TTC34: variants seen among roughly 807,000 people sequenced by gnomAD.
TTC34 encodes tetratricopeptide repeat protein 34.
A neutral mutation model predicts 40.7 loss-of-function variants in TTC34; 44 were observed. The observed-to-expected ratio is 1.08, with a 90% CI of 0.85 to 1.39. The LOEUF (loss-of-function observed/expected upper bound fraction) is 1.39. Ranked by LOEUF, TTC34 falls within the 40% of genes most tolerant of loss-of-function variation. TTC34 has a pLI of 0.00. For missense variants in TTC34, 884 were observed against 838.0 expected (o/e 1.05, Z -0.68); for synonymous variants, 422 against 398.6 (o/e 1.06, Z -0.70).
rs1263586540 is a variant in TTC34 at position 2,752,408 on chromosome 1, C to G, written c.2226+31201G>C. 1.5e-5 allele frequency among the ~76,000 whole-genome samples: 2 copies of G among 129,164 alleles called. 1 individual carries two copies. 84.7% of individuals were successfully genotyped at this position (129,164 alleles called of 152,430 possible). A position where few individuals can be genotyped will look rare whatever the true frequency, so the allele number is the denominator to read the frequency against. On this transcript the variant is annotated intron_variant, in intron 6 of 8. Transcript: ENST00000401095. ...ATCTGAGAGCATGTAACAGCACCCA[C>G]ACACCCAGGTGAGCATCTGACAGCC...
chr1:2,752,651 AC>A lies in TTC34; in HGVS notation c.2226+30957del, dbSNP rs1319628693. 7.4e-5 allele frequency among the ~76,000 whole-genome samples: 10 copies of A among 135,476 alleles called. 2 individuals are homozygous for A. Among genetic ancestry groups the A allele is most frequent in the African/African-American group, 1.8e-4 (6 of 33,070 alleles). The allele number at this position is 135,476 out of a possible 152,430, so 88.9% of individuals were successfully genotyped here. A position where few individuals can be genotyped will look rare whatever the true frequency, so the allele number is the denominator to read the frequency against. On this transcript the variant is annotated intron_variant, in intron 6 of 8. Coordinates refer to ENST00000401095, the Ensembl canonical transcript of TTC34. ...TCTGACACCCTGGAACTGCACACAC[AC>A]CCCCAGGCGAGCATCTGACAACCTG...
At chr1:2,750,130 G>A (rs1641267063) in intron 6 of TTC34, among the ~76,000 whole-genome samples, 23 of 148,120 alleles carry the variant, frequency 1.6e-4, no homozygotes, top group African/African-American at 5.4e-4. Context: ...ACACACCCAG[G>A]TGAGCATCCG....
chr1:2,758,522 G>C (rs1379442324), intron 6 of TTC34, among the ~76,000 whole-genome samples: 9 of 77,358 alleles, frequency 1.2e-4, no homozygotes, highest in Non-Finnish European at 1.4e-4. Context: ...CACACCCCCA[G>C]GTGAGCATCC....
intron 6 of TTC34, among the ~76,000 whole-genome samples, chr1:2,687,801 C>G (rs376497517): frequency 6.7e-6 from 1 of 150,004 alleles, no homozygotes; most frequent in East Asian, 1.9e-4. Context: ...GGGTCGGCAC[C>G]CACACCTCCA....
intron 6 of TTC34, among the ~76,000 whole-genome samples, chr1:2,755,626 C>T (rs1181514162): frequency 1.6e-5 from 2 of 125,626 alleles, no homozygotes; most frequent in Non-Finnish European, 3.2e-5. Context: ...CCCACACACC[C>T]AGGTGCGCAT....
intron 2 of TTC34, among the ~76,000 whole-genome samples, chr1:2,798,610 T>C (rs1221926620): frequency 8.5e-4 from 9 of 10,530 alleles, no homozygotes; most frequent in Admixed American, 1.5e-3. Flanking sequence ...TCCCAGCCTC[T>C]CAGCCTCTTA....
At chr1:2,683,733 A>G (rs1196115982) in intron 6 of TTC34, among the ~76,000 whole-genome samples, 2 of 146,608 alleles carry the variant, frequency 1.4e-5, no homozygotes, top group East Asian at 2.2e-4. Context: ...AGCAGCTGAT[A>G]TCCTGGAACA....
At chr1:2,656,316 G>A (rs1206678917) in intron 6 of TTC34, among the ~76,000 whole-genome samples, 93 of 130,682 alleles carry the variant, frequency 7.1e-4, no homozygotes, top group African/African-American at 1.3e-3. Flanking sequence ...GCATCTGACA[G>A]CATGCAACAG....
At chr1:2,644,994 G>T (rs983638560) in intron 7 of TTC34, among the ~76,000 whole-genome samples, 1 of 152,178 alleles carries the variant, frequency 6.6e-6, no homozygotes, top group African/African-American at 2.4e-5. Context: ...ACGACTGGAG[G>T]TGCATGGATG....
At chr1:2,637,568 T>C (rs2100981066) in exon 9 of TTC34, 1 of 152,312 alleles carries the variant, frequency 6.6e-6, no homozygotes, top group East Asian at 1.9e-4. Flanking sequence ...CCATCCCCCA[T>C]GCTGGCTGTG....
At chr1:2,769,819 G>T (rs1300610833) in intron 6 of TTC34, among the ~76,000 whole-genome samples, 2 of 97,948 alleles carry the variant, frequency 2.0e-5, no homozygotes, top group Admixed American at 1.0e-4. Context: ...ACAGCCTGGA[G>T]CAGGCGCCCA....
At chr1:2,683,426 C>A (rs1570804309) in intron 6 of TTC34, among the ~76,000 whole-genome samples, 1 of 142,948 alleles carries the variant, frequency 7.0e-6, no homozygotes, top group South Asian at 2.2e-4. Context: ...GGAACACCAC[C>A]CTTCACCCCC....
intron 6 of TTC34, among the ~76,000 whole-genome samples, chr1:2,685,637 A>G (rs1640299238): frequency 6.9e-6 from 1 of 144,140 alleles, no homozygotes; most frequent in Non-Finnish European, 1.5e-5. Context: ...CAGCACCCAC[A>G]CCCTCAGGTG....
intron 6 of TTC34, among the ~76,000 whole-genome samples, chr1:2,756,647 G>A (rs1641515431): frequency 2.0e-4 from 29 of 147,226 alleles, no homozygotes; most frequent in African/African-American, 6.4e-4. Context: ...GCATCTGACA[G>A]CCTGGAACAG....
chr1:2,798,723 C>A (rs1221150893), intron 2 of TTC34, among the ~76,000 whole-genome samples: 1 of 119,774 alleles, frequency 8.3e-6, no homozygotes. Flanking sequence ...CTCAGCCTCT[C>A]AGCCCCTCAG....
At chr1:2,777,854 G>A (rs1643335334) in intron 6 of TTC34, among the ~76,000 whole-genome samples, 1 of 152,228 alleles carries the variant, frequency 6.6e-6, no homozygotes, top group Admixed American at 6.5e-5. Context: ...GCGGGAGGAG[G>A]GGACAGGATC....
intron 6 of TTC34, among the ~76,000 whole-genome samples, chr1:2,688,147 G>C (rs796816033): frequency 1.9e-5 from 1 of 53,662 alleles, no homozygotes; most frequent in Non-Finnish European, 4.9e-5. Flanking sequence ...AGCATCTGAC[G>C]GCCTGGAAGG....
chr1:2,684,381 G>A (rs796578389), intron 6 of TTC34, among the ~76,000 whole-genome samples: 11 of 132,510 alleles, frequency 8.3e-5, no homozygotes, highest in South Asian at 4.7e-4. Context: ...TGACAGCCTG[G>A]AACAGAATCC....
chr1:2,691,108 T>C (rs1285662710), intron 6 of TTC34, among the ~76,000 whole-genome samples: 8 of 67,404 alleles, frequency 1.2e-4, no homozygotes, highest in South Asian at 4.5e-4. Context: ...CACCTTCAGG[T>C]GAGCATCTGA....
Sources: allele counts gnomAD v4.1 joint callset (sites outside exome capture counted in the v4.1 genomes callset), GRCh38; gene constraint gnomAD v4.1.1; transcripts MANE v1.5; gene names NCBI Gene and HGNC (gene_info 2026-07-23, HGNC 2026-07-21).